Variants in KLHL13 observed in about 807,000 individuals in gnomAD.
KLHL13 encodes the protein kelch like family member 13, also known as kelch-like protein 13.
KLHL13 carries 10 observed loss-of-function variants against 37.1 expected under a neutral mutation model. The observed-to-expected ratio is 0.27, with a 90% CI of 0.17 to 0.46. The LOEUF (loss-of-function observed/expected upper bound fraction) is 0.46. Ranked by LOEUF, KLHL13 falls within the 20% of genes least tolerant of loss-of-function variation. The pLI is 1.00. For synonymous variants in KLHL13, 163 were observed against 181.2 expected (o/e 0.90, Z 0.81); for missense variants, 360 against 509.3 (o/e 0.71, Z 2.82).
chrX:118,095,715 G>C (rs1394588604), intron 1 of KLHL13, among the ~76,000 whole-genome samples: 1 of 112,116 alleles, frequency 8.9e-6, no homozygotes, highest in African/African-American at 3.2e-5. Context: ...TGCAATCAAA[G>C]TAGAACTCAG....
chrX:118,094,793 C>A (rs1190120645), intron 1 of KLHL13, among the ~76,000 whole-genome samples: 1 of 110,771 alleles, frequency 9.0e-6, no homozygotes, highest in Admixed American at 9.6e-5. Context: ...CCAAACTAAG[C>A]TTCATAAGTG....
intron 1 of KLHL13, among the ~76,000 whole-genome samples, chrX:118,095,545 C>T (rs6646081): frequency 0.14 from 15,128 of 110,576 alleles, 1,375 homozygotes; most frequent in African/African-American, 0.32. Flanking sequence ...GCGGACCTAA[C>T]AGACATCTAC....
At chrX:118,113,589 T>C (rs778169745) in intron 1 of KLHL13, among the ~76,000 whole-genome samples, 1 of 112,467 alleles carries the variant, frequency 8.9e-6, no homozygotes, top group South Asian at 3.7e-4. Flanking sequence ...ATCTCGGGAA[T>C]GTTCTCCCAG....
chrX:117,963,104 T>C (rs139241241), intron 1 of KLHL13, among the ~76,000 whole-genome samples: 9,459 of 111,740 alleles, frequency 0.085, 355 homozygotes, highest in Middle Eastern at 0.14. Context: ...TTTTTATTTT[T>C]TTGTTATTGA....
rs1931578842 is a variant in KLHL13, at chrX:117,919,584, T to C, written c.507A>G (p.Glu169=). 4.1e-6 allele frequency: 5 copies of C among 1,208,854 alleles called. No individual in the cohort carries two copies. The Admixed American group carries it at 8.7e-5, about 21-fold the overall frequency. Residue 169 remains glutamate (E), a synonymous_variant, in exon 4 of 7, where the codon GAA becomes GAG. Transcript: ENST00000262820. ...GCAGAATCTGTAGGAAACTGGCAGCTTCCAGCGTGTCTTGAAGGTTGTCCA... is the reference window on the plus strand; with the variant it reads ...GCAGAATCTGTAGGAAACTGGCAGCCTCCAGCGTGTCTTGAAGGTTGTCCA...
At chrX:118,065,837 T>C (rs1170977978) in intron 1 of KLHL13, among the ~76,000 whole-genome samples, 1 of 112,028 alleles carries the variant, frequency 8.9e-6, no homozygotes, top group Admixed American at 9.5e-5. Flanking sequence ...GGAAGAGTTA[T>C]AGCTCCTCCA....
intron 1 of KLHL13, among the ~76,000 whole-genome samples, chrX:118,084,329 T>C (rs1381867149): frequency 1.8e-5 from 2 of 111,015 alleles, no homozygotes; most frequent in African/African-American, 6.5e-5. Context: ...AAAAAGAAAG[T>C]TGGGTTGCTG....
rs2053404533 is a variant in KLHL13 at position 117,965,431 on chromosome X, G to GGT, written c.98+7298_98+7299dup. Among the ~76,000 whole-genome samples, 3 of 111,462 alleles carry GGT rather than the reference G, an allele frequency of 2.7e-5. No individual in the cohort carries two copies. The South Asian group carries it at 1.1e-3, about 42-fold the overall frequency. Reference sequence around the variant, plus strand: ...ATATCCTTCGCCCACTTGTTGATGGGGTTGTTTTTTTGTTGTAAATTTGTT... The same window carrying GGT: ...ATATCCTTCGCCCACTTGTTGATGGGGTGTTGTTTTTTTGTTGTAAATTTGTT... On this transcript the variant is annotated intron_variant, in intron 1 of 6. Transcript: ENST00000262820.
At chrX:117,909,508 T>C (rs769147529) in exon 5 of KLHL13, 2 of 1,211,266 alleles carry the variant, frequency 1.7e-6, no homozygotes, top group South Asian at 1.8e-5. Flanking sequence ...AAATTTCCAA[T>C]GACGGCGATG....
chrX:117,966,082 G>A (rs1310357703), intron 1 of KLHL13, among the ~76,000 whole-genome samples: 1 of 111,470 alleles, frequency 9.0e-6, no homozygotes, highest in African/African-American at 3.3e-5. Context: ...AGGAAATAAA[G>A]GGTATTCAAT....
chrX:118,032,212 G>C (rs1335739465), intron 1 of KLHL13, among the ~76,000 whole-genome samples: 2 of 111,382 alleles, frequency 1.8e-5, no homozygotes, highest in Non-Finnish European at 3.8e-5. Context: ...AAAGCAGCCA[G>C]GAAGCTTGAA....
chrX:118,084,681 T>C (rs918894842), intron 1 of KLHL13, among the ~76,000 whole-genome samples: 2 of 111,489 alleles, frequency 1.8e-5, no homozygotes, highest in Admixed American at 1.9e-4. Flanking sequence ...TAGGAGACTA[T>C]TTAGATAAAT....
At chrX:118,025,412 G>A (rs905732012) in intron 1 of KLHL13, among the ~76,000 whole-genome samples, 1 of 111,433 alleles carries the variant, frequency 9.0e-6, no homozygotes, top group East Asian at 2.8e-4. Flanking sequence ...CCCCACCCAC[G>A]ACGGGAATTA....
chrX:118,116,431 C>G (rs961571592), intron 1 of KLHL13, 77 bp downstream of exon 1: 1 of 113,127 alleles, frequency 8.8e-6, no homozygotes, highest in Admixed American at 9.2e-5. Flanking sequence ...AACTCCTCGC[C>G]GCGCACCGCG....
chrX:118,045,068 T>A (rs2054543970), intron 1 of KLHL13, among the ~76,000 whole-genome samples: 1 of 111,613 alleles, frequency 9.0e-6, no homozygotes, highest in Non-Finnish European at 1.9e-5. Flanking sequence ...ATTCTAATAA[T>A]CCAATTAAGA....
intron 1 of KLHL13, chrX:117,946,564 G>T (rs1411427134): frequency 2.7e-5 from 3 of 111,955 alleles, no homozygotes; most frequent in Non-Finnish European, 5.6e-5. Context: ...TGGATCACCT[G>T]CCTAAGAGTG....
chrX:117,945,055 T>C (rs1933252358), intron 2 of KLHL13, among the ~76,000 whole-genome samples: 2 of 110,949 alleles, frequency 1.8e-5, no homozygotes, highest in Admixed American at 1.9e-4. Flanking sequence ...GTAGGGACCT[T>C]GTAATACTTA....
intron 1 of KLHL13, among the ~76,000 whole-genome samples, chrX:117,996,578 T>C (rs1490500018): frequency 9.0e-6 from 1 of 111,504 alleles, no homozygotes; most frequent in Non-Finnish European, 1.9e-5. Flanking sequence ...AGCAATACAT[T>C]CTTGGGCATG....
intron 2 of KLHL13, among the ~76,000 whole-genome samples, chrX:117,943,269 C>A (rs1933141403): frequency 9.0e-6 from 1 of 111,303 alleles, no homozygotes; most frequent in Non-Finnish European, 1.9e-5. Context: ...TTTTTTCCTT[C>A]ATTTCAACCT....
Sources: allele counts gnomAD v4.1 joint callset (sites outside exome capture counted in the v4.1 genomes callset), GRCh38; gene constraint gnomAD v4.1.1; transcripts MANE v1.5; gene names NCBI Gene and HGNC (gene_info 2026-07-23, HGNC 2026-07-21).